The following MTG1 variants were observed in gnomAD, a reference collection of about 807,000 sequenced individuals.
MTG1 encodes the protein mitochondrial ribosome associated GTPase 1.
MTG1 carries 30 observed loss-of-function variants against 39.5 expected under a neutral mutation model. The observed-to-expected ratio is 0.76, with a 90% CI of 0.57 to 1.03. The LOEUF is 1.03. MTG1 is among the 50% of genes least tolerant of loss of function. The pLI is 0.00. For synonymous variants in MTG1, 217 were observed against 179.0 expected, an observed-to-expected ratio of 1.21 and a Z score of -1.69; for missense variants, 513 against 447.4, an observed-to-expected ratio of 1.15 and a Z score of -1.32.
At chr10:133,395,613 G>C (rs184104302) in intron 1 of MTG1, 100 bp from the exon 2 acceptor site, 4 of 1,108,084 alleles carry the variant, frequency 3.6e-6, no homozygotes, top group Middle Eastern at 2.2e-4. Context: ...AGTCTTTTTA[G>C]GTTATTTATG....
intron 9 of MTG1, among the ~76,000 whole-genome samples, chr10:133,416,018 C>T (rs536132880): frequency 1.4e-5 from 1 of 69,834 alleles, no homozygotes; most frequent in Non-Finnish European, 2.8e-5. Flanking sequence ...GTGTCGGGCA[C>T]GTGGGTGTCG....
At chr10:133,413,772 C>G (rs1268260000) in intron 9 of MTG1, among the ~76,000 whole-genome samples, 1 of 152,032 alleles carries the variant, frequency 6.6e-6, no homozygotes, top group African/African-American at 2.4e-5. Flanking sequence ...TATATTTTAC[C>G]TTTACATATT....
chr10:133,395,259 G>A (rs1849764861), intron 1 of MTG1, among the ~76,000 whole-genome samples: 2 of 152,174 alleles, frequency 1.3e-5, no homozygotes, highest in Non-Finnish European at 2.9e-5. Context: ...GCCCGGCATG[G>A]TGGCGCGTCC....
At chr10:133,394,392 C>T in intron 1 of MTG1, 60 bp downstream of exon 1, 2 of 1,379,836 alleles carry the variant, frequency 1.4e-6, no homozygotes, top group South Asian at 1.5e-5. Flanking sequence ...CTGCTTCCCT[C>T]CCACCCCGGT....
Position 133,398,011 on chromosome 10 carries a change from G to A in MTG1, c.283-424G>A, listed in dbSNP as rs151085880. ...GCCCTGCCTTCTGCCTCCCTGAGCA[G>A]GGACACCCAAGTACATTTACTACCC... On this transcript the variant is annotated intron_variant, in intron 3 of 10. Transcript: ENST00000317502. Among the ~76,000 whole-genome samples, 942 of 152,230 alleles carry A rather than the reference G, an allele frequency of 6.2e-3. 4 individuals carry two copies. Among genetic ancestry groups the A allele is most frequent in the African/African-American group, 0.02 (813 of 41,508 alleles).
chr10:133,414,908 A>G (rs1850099743), intron 9 of MTG1, among the ~76,000 whole-genome samples: 1 of 152,260 alleles, frequency 6.6e-6, no homozygotes, highest in African/African-American at 2.4e-5. Flanking sequence ...CTCCGTCTGC[A>G]ATCCCTGCAC....
At chr10:133,408,275 G>A (rs558665398) in intron 9 of MTG1, among the ~76,000 whole-genome samples, 2 of 152,334 alleles carry the variant, frequency 1.3e-5, no homozygotes, top group South Asian at 2.1e-4. Context: ...ATCGTGAAGC[G>A]ATGCTGAATT....
intron 5 of MTG1, 106 bp downstream of exon 5, chr10:133,399,332 G>A: frequency 7.2e-7 from 1 of 1,388,564 alleles, no homozygotes; most frequent in Non-Finnish European, 1.0e-6. Context: ...CAGGCAGGGA[G>A]GCCCCTCCTT....
chr10:133,405,603 G>A (rs1369266803), intron 9 of MTG1, among the ~76,000 whole-genome samples: 1 of 152,138 alleles, frequency 6.6e-6, no homozygotes. Flanking sequence ...TTGTCTTTCT[G>A]TGCCTGTTTA....
intron 3 of MTG1, 43 bp downstream of exon 3, chr10:133,396,310 T>TG: frequency 1.3e-6 from 2 of 1,532,270 alleles, no homozygotes; most frequent in Non-Finnish European, 9.0e-7. Context: ...TGTGGCTGTG[T>TG]TTTCCCGAGG....
chr10:133,399,302 AAGG>A (rs1849833269), intron 5 of MTG1, 76 bp downstream of exon 5: 1 of 1,542,198 alleles, frequency 6.5e-7, no homozygotes, highest in Admixed American at 1.7e-5. Flanking sequence ...TGGCCTCTCC[AAGG>A]AGAAGGCGCA....
At chr10:133,408,983 T>A (rs931440986) in intron 9 of MTG1, among the ~76,000 whole-genome samples, 2 of 152,164 alleles carry the variant, frequency 1.3e-5, no homozygotes, top group Admixed American at 1.3e-4. Flanking sequence ...TTTGAAATAA[T>A]TTTTTGTTTC....
intron 3 of MTG1, among the ~76,000 whole-genome samples, chr10:133,397,138 G>C (rs1849794879): frequency 6.6e-6 from 1 of 152,170 alleles, no homozygotes; most frequent in Admixed American, 6.5e-5. Flanking sequence ...GTTCCATCTT[G>C]TACACCTGGC....
chr10:133,396,084 T>C, intron 2 of MTG1, 79 bp from the exon 3 acceptor site: 1 of 1,294,146 alleles, frequency 7.7e-7, no homozygotes, highest in Non-Finnish European at 1.1e-6. Context: ...CAGGATGTGA[T>C]GATTCGTTCA....
intron 9 of MTG1, among the ~76,000 whole-genome samples, chr10:133,409,665 A>G (rs1850017609): frequency 6.6e-6 from 1 of 152,154 alleles, no homozygotes; most frequent in Non-Finnish European, 1.5e-5. Context: ...CTCACTTTCA[A>G]TCTATCAATG....
chr10:133,414,893 C>T (rs902972095), intron 9 of MTG1, among the ~76,000 whole-genome samples: 9 of 152,372 alleles, frequency 5.9e-5, no homozygotes, highest in East Asian at 3.9e-4. Context: ...ACTGAGTGAA[C>T]GAGACTCCGT....
intron 9 of MTG1, among the ~76,000 whole-genome samples, chr10:133,415,254 C>T (rs1465342521): frequency 2.0e-5 from 3 of 152,124 alleles, no homozygotes; most frequent in Non-Finnish European, 4.4e-5. Context: ...ATAGACGGGT[C>T]CTGCACTCAT....
rs749218863 is a variant in MTG1, at chr10:133,398,428, C to G, written c.283-7C>G. 4 of 1,611,206 alleles carry G rather than the reference C, an allele frequency of 2.5e-6. No homozygotes were observed. Among genetic ancestry groups the G allele is most frequent in the Non-Finnish European group, 3.4e-6 (4 of 1,179,196 alleles). On this transcript the variant is annotated splice_region_variant and splice_polypyrimidine_tract_variant and intron_variant, in intron 3 of 10. Transcript: ENST00000317502. Reference sequence around the variant, plus strand: ...AAAGTAACATAGAAATGTTTTGTGTCTTTCAGAAAATTATGCAACACTTAG... The same window carrying G: ...AAAGTAACATAGAAATGTTTTGTGTGTTTCAGAAAATTATGCAACACTTAG...
At chr10:133,410,561 T>C (rs1352883502) in intron 9 of MTG1, among the ~76,000 whole-genome samples, 1 of 152,246 alleles carries the variant, frequency 6.6e-6, no homozygotes, top group African/African-American at 2.4e-5. Context: ...CTATGTATTA[T>C]ATGTAGTGTA....
Sources: gnomAD v4.1 joint callset for allele counts (sites outside exome capture counted in the v4.1 genomes callset) on GRCh38, gnomAD v4.1.1 for gene constraint, MANE v1.5 for transcripts, NCBI Gene and HGNC (gene_info 2026-07-23, HGNC 2026-07-21) for gene names.